Variants in ADGRD1 observed in about 807,000 individuals in gnomAD.
ADGRD1 encodes the protein adhesion G protein-coupled receptor D1.
Under a neutral mutation model 113.4 loss-of-function variants are expected in ADGRD1, and 77 were observed. The observed-to-expected ratio is 0.68, with a 90% CI of 0.57 to 0.82. ADGRD1 has a LOEUF of 0.82. ADGRD1 is among the 40% of genes least tolerant of loss of function. ADGRD1 has a pLI of 0.00. For missense variants in ADGRD1, 1,036 were observed against 1,139.1 expected (o/e 0.91, Z 1.30); for synonymous variants, 474 against 475.0 (o/e 1.00, Z 0.03).
intron 24 of ADGRD1, among the ~76,000 whole-genome samples, 195 bp from the exon 25 acceptor site, chr12:131,138,973 C>T (rs908982799): frequency 6.6e-6 from 1 of 152,184 alleles, no homozygotes; most frequent in Non-Finnish European, 1.5e-5. Flanking sequence ...CGTGGAGAAC[C>T]GTGCGGCTGG....
At chr12:131,049,991 C>T (rs986972258) in intron 13 of ADGRD1, among the ~76,000 whole-genome samples, 1 of 152,190 alleles carries the variant, frequency 6.6e-6, no homozygotes, top group Non-Finnish European at 1.5e-5. Context: ...CCTGGTGGTC[C>T]AGGAAGAGTC....
intron 13 of ADGRD1, chr12:131,030,528 C>T (rs1200320241): frequency 6.6e-6 from 1 of 152,372 alleles, no homozygotes; most frequent in East Asian, 1.9e-4. Flanking sequence ...GTCTCTGCTC[C>T]AGTTGATGTG....
At chr12:131,068,333 T>C (rs928142122) in intron 13 of ADGRD1, among the ~76,000 whole-genome samples, 1 of 152,206 alleles carries the variant, frequency 6.6e-6, no homozygotes, top group East Asian at 1.9e-4. Flanking sequence ...GGTTTTTTTC[T>C]CTGCCTCTGG....
intron 8 of ADGRD1, chr12:130,994,035 C>G (rs966615407): frequency 1.5e-5 from 3 of 195,744 alleles, no homozygotes; most frequent in African/African-American, 4.6e-5. Context: ...GCCACATGAC[C>G]ACACCTGGGC....
At chr12:130,982,344 C>T (rs1239853524) in intron 5 of ADGRD1, among the ~76,000 whole-genome samples, 1 of 152,224 alleles carries the variant, frequency 6.6e-6, no homozygotes, top group Non-Finnish European at 1.5e-5. Context: ...TCAGTGATCA[C>T]ACCTGTGATG....
chr12:131,137,196 C>A, intron 23 of ADGRD1, 182 bp downstream of exon 23: 1 of 631,108 alleles, frequency 1.6e-6, no homozygotes, highest in Middle Eastern at 4.2e-4. Context: ...CTCTTCTCTC[C>A]CCGCCTAGTT....
In ADGRD1 at chr12:131,003,616, G is replaced by T. The variant is rs184760536; in HGVS notation, c.1144+314G>T. Among the ~76,000 whole-genome samples, 2 of 152,350 alleles carry T rather than the reference G, an allele frequency of 1.3e-5. No individual in the cohort carries two copies. Among genetic ancestry groups the T allele is most frequent in the Admixed American group, 6.5e-5 (1 of 15,304 alleles). Reference sequence around the variant, plus strand: ...TGCAAGAGTCTGTGGAATAAAAGGGGTGGCCTCGGGTTTCTGGCGTCAGCT... The same window carrying T: ...TGCAAGAGTCTGTGGAATAAAAGGGTTGGCCTCGGGTTTCTGGCGTCAGCT... On this transcript the variant is annotated intron_variant, in intron 10 of 24. Coordinates refer to ENST00000261654, the MANE Select transcript of ADGRD1 (RefSeq NM_198827.5). This position sits in a 1 kb window ranked among gnomAD's most constrained non-coding sequence, Gnocchi z 4.8.
intron 4 of ADGRD1, among the ~76,000 whole-genome samples, chr12:130,979,176 C>T (rs1031271672): frequency 2.0e-5 from 3 of 152,172 alleles, no homozygotes; most frequent in Non-Finnish European, 2.9e-5. Flanking sequence ...ACTGGGCACT[C>T]GGGAAGGCTG....
chr12:131,051,678 GT>G (rs1414325406), intron 13 of ADGRD1, among the ~76,000 whole-genome samples: 1 of 152,068 alleles, frequency 6.6e-6, no homozygotes, highest in East Asian at 1.9e-4. Flanking sequence ...TAGAGGCGGG[GT>G]TTTACCATGT....
intron 14 of ADGRD1, among the ~76,000 whole-genome samples, chr12:131,083,857 T>G (rs980614306): frequency 6.6e-6 from 1 of 152,338 alleles, no homozygotes; most frequent in East Asian, 1.9e-4. Flanking sequence ...CTCGCCACCC[T>G]GTCTCTGGCG....
At chr12:131,082,660 T>G (rs7312308) in intron 14 of ADGRD1, among the ~76,000 whole-genome samples, 132,513 of 152,090 alleles carry the variant, frequency 0.87, 58,321 homozygotes, top group East Asian at 1. Context: ...AACAGCTGGT[T>G]TTTGCTGACT....
At position 131,076,822 on chromosome 12, in the gene ADGRD1, G is replaced by A. The variant is rs150620459; in HGVS notation, c.1495G>A (p.Ala499Thr). The A allele has an allele frequency of 3.1e-6, 5 of 1,613,972 alleles. No individual in the cohort carries two copies. In the Admixed American group the frequency reaches 5.0e-5, roughly 16 times the overall value. ...HRLTRKQHSE[A>T]TNSSNRVFVY... ...TCAGACACGTAAGCAGCACAGTGAG[G>A]CCACCAACAGCAGCAACCGAGTCTT... The change falls in exon 14 of 25, where the codon GCC (alanine) becomes ACC (threonine). Residue 499 changes from alanine (A) to threonine (T), a missense_variant. Physicochemically the swap from Ala to Thr is moderately conservative, Grantham distance 58. Coordinates refer to ENST00000261654, the MANE Select transcript of ADGRD1 (RefSeq NM_198827.5).
intron 4 of ADGRD1, among the ~76,000 whole-genome samples, chr12:130,979,283 T>C (rs1364922391): frequency 6.6e-6 from 1 of 152,208 alleles, no homozygotes. Context: ...CCTCTTCCAA[T>C]TTTTTTGAGG....
intron 12 of ADGRD1, among the ~76,000 whole-genome samples, chr12:131,009,811 T>C (rs1877643784): frequency 6.6e-6 from 1 of 152,194 alleles, no homozygotes; most frequent in African/African-American, 2.4e-5. Context: ...TGTGTGTACA[T>C]GTGTGGTATG....
chr12:131,137,106 G>A, intron 23 of ADGRD1, 92 bp downstream of exon 23: 2 of 1,032,040 alleles, frequency 1.9e-6, no homozygotes, highest in East Asian at 2.4e-5. Context: ...GCCCTGTCAG[G>A]GTGGTGTCTG....
intron 20 of ADGRD1, among the ~76,000 whole-genome samples, chr12:131,130,026 T>A (rs1340476347): frequency 3.9e-5 from 6 of 152,280 alleles, no homozygotes; most frequent in Non-Finnish European, 5.9e-5. Context: ...GTCACTGTCC[T>A]AGTTGAATCA....
intron 7 of ADGRD1, 63 bp downstream of exon 7, chr12:130,991,141 GGA>G (rs1177625289): frequency 7.2e-7 from 1 of 1,379,340 alleles, no homozygotes; most frequent in East Asian, 2.3e-5. Context: ...CTGTTTGCTG[GGA>G]GAGAGAAAAT....
chr12:130,957,255 A>ATATCCACATG (rs1459752715), intron 2 of ADGRD1: 1 of 152,366 alleles, frequency 6.6e-6, no homozygotes, highest in Non-Finnish European at 1.5e-5. Context: ...CAGACTACAC[A>ATATCCACATG]CATCCACATG....
intron 5 of ADGRD1, among the ~76,000 whole-genome samples, chr12:130,982,536 CT>C (rs1176557885): frequency 6.6e-6 from 1 of 152,218 alleles, no homozygotes; most frequent in Non-Finnish European, 1.5e-5. Context: ...CTTCCTCCCC[CT>C]CCTCTTCTTC....
Sources: allele counts gnomAD v4.1 joint callset (sites outside exome capture counted in the v4.1 genomes callset), GRCh38; gene constraint gnomAD v4.1.1; non-coding constraint Gnocchi (gnomAD v3.1); transcripts MANE v1.5; gene names NCBI Gene and HGNC (gene_info 2026-07-23, HGNC 2026-07-21).